Variants in SKAP1 observed in about 807,000 individuals in gnomAD.
The protein encoded by SKAP1 is src kinase associated phosphoprotein 1.
A neutral mutation model predicts 58.5 loss-of-function variants in SKAP1; 44 were observed. That is an observed-to-expected ratio of 0.75 (90% confidence interval 0.59 to 0.97). The LOEUF (loss-of-function observed/expected upper bound fraction) is 0.97. SKAP1 is among the 50% of genes least tolerant of loss of function. The probability of loss-of-function intolerance (pLI) is 0.00; values close to 1 mark genes in which losing one functional copy is unlikely to be tolerated. For missense variants in SKAP1, 390 were observed against 435.2 expected, an observed-to-expected ratio of 0.90 and a Z score of 0.92; for synonymous variants, 127 against 149.7, an observed-to-expected ratio of 0.85 and a Z score of 1.11.
chr17:48,233,501 A>C (rs1201837402), intron 4 of SKAP1, among the ~76,000 whole-genome samples: 2 of 152,224 alleles, frequency 1.3e-5, no homozygotes, highest in Non-Finnish European at 2.9e-5. Context: ...TCTGTAATTT[A>C]AACAGATAAA....
At chr17:48,444,938 T>C in the SKAP1 span, among the ~76,000 whole-genome samples, 1 of 152,270 alleles carries the variant, frequency 6.6e-6, no homozygotes, top group East Asian at 1.9e-4. Flanking sequence ...TTTGCACACC[T>C]TGGGTCCTGG....
intron 6 of SKAP1, among the ~76,000 whole-genome samples, chr17:48,187,635 A>C (rs554955474): frequency 1.2e-4 from 19 of 152,262 alleles, no homozygotes; most frequent in African/African-American, 3.6e-4. Context: ...CCACACTCTT[A>C]GTGTTTAAAG....
intron 4 of SKAP1, among the ~76,000 whole-genome samples, chr17:48,222,935 G>A (rs1028566629): frequency 1.3e-5 from 2 of 150,962 alleles, no homozygotes; most frequent in Admixed American, 1.3e-4. Flanking sequence ...GTGGAGGTGA[G>A]TGCCTGTAAT....
At chr17:48,380,761 T>C (rs1408657990) in intron 2 of SKAP1, among the ~76,000 whole-genome samples, 1 of 152,210 alleles carries the variant, frequency 6.6e-6, no homozygotes, top group East Asian at 1.9e-4. Flanking sequence ...TTCCAGTTGT[T>C]TGGACCTTGG....
intron 1 of SKAP1, among the ~76,000 whole-genome samples, chr17:48,404,947 G>C (rs1226438054): frequency 1.3e-5 from 2 of 152,068 alleles, no homozygotes; most frequent in African/African-American, 4.8e-5. Context: ...TATCGAAATA[G>C]AATTAAAGAA....
chr17:48,206,345 C>T (rs2064810120), intron 4 of SKAP1, among the ~76,000 whole-genome samples: 1 of 151,974 alleles, frequency 6.6e-6, no homozygotes, highest in African/African-American at 2.4e-5. Context: ...CCATGTCCTC[C>T]CTGGCTATGC....
chr17:48,203,562 G>C (rs1253686069), intron 4 of SKAP1: 1 of 152,190 alleles, frequency 6.6e-6, no homozygotes, highest in Non-Finnish European at 1.5e-5. Flanking sequence ...TGCACGTCAG[G>C]TGTGTTTAAC....
At chr17:48,391,919 T>C (rs1362039609) in intron 2 of SKAP1, among the ~76,000 whole-genome samples, 1 of 152,046 alleles carries the variant, frequency 6.6e-6, no homozygotes, top group Non-Finnish European at 1.5e-5. Context: ...ACATTATACA[T>C]TAGTTCTTTT....
At chr17:48,141,523 C>CCTG in intron 11 of SKAP1, among the ~76,000 whole-genome samples, 1 of 152,032 alleles carries the variant, frequency 6.6e-6, no homozygotes, top group East Asian at 1.9e-4. Flanking sequence ...ATTACAGGTG[C>CCTG]CTGCCACCAC....
chr17:48,348,972 C>A (rs12941877), intron 3 of SKAP1, among the ~76,000 whole-genome samples: 32,203 of 152,122 alleles, frequency 0.21, 3,423 homozygotes, highest in Admixed American at 0.22. Flanking sequence ...TAGAAATAAG[C>A]TTTACACCCA....
chr17:48,290,616 T>C (rs916028402), intron 4 of SKAP1, among the ~76,000 whole-genome samples: 1 of 151,452 alleles, frequency 6.6e-6, no homozygotes, highest in Non-Finnish European at 1.5e-5. Flanking sequence ...TCTCACATAG[T>C]TTACATTACA....
chr17:48,192,651 G>A (rs1289869624), intron 4 of SKAP1, among the ~76,000 whole-genome samples: 1 of 152,164 alleles, frequency 6.6e-6, no homozygotes, highest in Non-Finnish European at 1.5e-5. Context: ...CCATCAGAGA[G>A]AGAGCTTGAA....
At chr17:48,389,688 C>G (rs942246602) in intron 2 of SKAP1, among the ~76,000 whole-genome samples, 1 of 152,112 alleles carries the variant, frequency 6.6e-6, no homozygotes, top group African/African-American at 2.4e-5. Flanking sequence ...ACCCTGCTAG[C>G]ACTGTACTTC....
At chr17:48,431,393 A>T (rs542166817), upstream of SKAP1, among the ~76,000 whole-genome samples, 207 of 152,362 alleles carry the variant, frequency 1.4e-3, no homozygotes, top group Non-Finnish European at 2.5e-3. Context: ...TGGGCTCTGA[A>T]AAACACACCA....
intron 11 of SKAP1, among the ~76,000 whole-genome samples, chr17:48,150,222 G>A (rs986529578): frequency 6.6e-6 from 1 of 152,132 alleles, no homozygotes; most frequent in Non-Finnish European, 1.5e-5. Context: ...GCAAATACAA[G>A]GGCTTTTTTC....
chr17:48,309,260 T>C (rs1352037080), intron 4 of SKAP1, among the ~76,000 whole-genome samples: 3 of 150,808 alleles, frequency 2.0e-5, no homozygotes, highest in Non-Finnish European at 4.4e-5. Flanking sequence ...TGTAAATATT[T>C]TCATGTTACT....
chr17:48,289,579 C>T (rs899242359), intron 4 of SKAP1, among the ~76,000 whole-genome samples: 3 of 152,014 alleles, frequency 2.0e-5, no homozygotes, highest in Non-Finnish European at 4.4e-5. Flanking sequence ...TTTTTAGGCT[C>T]TGTTAGCTTT....
chr17:48,199,497 C>A (rs182693296), intron 4 of SKAP1, among the ~76,000 whole-genome samples: 1 of 152,194 alleles, frequency 6.6e-6, no homozygotes, highest in Non-Finnish European at 1.5e-5. Context: ...GTTGGGAGTA[C>A]TCCTTCAGTT....
At chr17:48,297,465 T>C (rs1183243518) in intron 4 of SKAP1, among the ~76,000 whole-genome samples, 1 of 152,184 alleles carries the variant, frequency 6.6e-6, no homozygotes, top group Non-Finnish European at 1.5e-5. Context: ...TAGTTAGGAA[T>C]GGGGCAAAAC....
Sources: gnomAD v4.1 joint callset for allele counts (sites outside exome capture counted in the v4.1 genomes callset) on GRCh38, gnomAD v4.1.1 for gene constraint, MANE v1.5 for transcripts, NCBI Gene and HGNC (gene_info 2026-07-23, HGNC 2026-07-21) for gene names.